The following CNTNAP3 variants were observed in gnomAD, a reference collection of about 807,000 sequenced individuals.
CNTNAP3 encodes contactin associated protein family member 3.
In CNTNAP3, 36 loss-of-function variants were observed where a neutral mutation model predicts 92.1. That is an observed-to-expected ratio of 0.39 (90% confidence interval 0.30 to 0.52). The LOEUF (loss-of-function observed/expected upper bound fraction) is 0.52. Ranked by LOEUF, CNTNAP3 falls within the 20% of genes least tolerant of loss-of-function variation. CNTNAP3 has a pLI of 0.76. For missense variants in CNTNAP3, 534 were observed against 1,069.6 expected, an observed-to-expected ratio of 0.50 and a Z score of 6.98; for synonymous variants, 232 against 422.3, an observed-to-expected ratio of 0.55 and a Z score of 5.53.
At chr9:39,092,337 G>C (rs1365954327) in intron 18 of CNTNAP3, among the ~76,000 whole-genome samples, 5 of 142,142 alleles carry the variant, frequency 3.5e-5, no homozygotes, top group Non-Finnish European at 7.7e-5. Flanking sequence ...TGGCAGGTCA[G>C]GTTTTTTATT....
In CNTNAP3 at chr9:39,102,467, T is replaced by A. The variant is rs1287386453; in HGVS notation, c.2755+30A>T. The A allele has an allele frequency of 8.1e-6, 12 of 1,486,098 alleles. No homozygotes were observed. The East Asian group carries it at 2.7e-4, about 34-fold the overall frequency. 92.1% of individuals were successfully genotyped at this position (1,486,098 alleles called of 1,614,324 possible). A position where few individuals can be genotyped will look rare whatever the true frequency, so the allele number is the denominator to read the frequency against. On this transcript the variant is annotated intron_variant, in intron 17 of 23. Transcript: ENST00000297668. ...TTTTGGTCCCTCTCTGGACTCACACTAAATTCAGTTATAAACCACCAGCAC... is the reference window on the plus strand; with the variant it reads ...TTTTGGTCCCTCTCTGGACTCACACAAAATTCAGTTATAAACCACCAGCAC...
intron 15 of CNTNAP3, among the ~76,000 whole-genome samples, chr9:39,105,298 G>A (rs776278380): frequency 1.3e-5 from 2 of 152,072 alleles, no homozygotes; most frequent in East Asian, 1.9e-4. Context: ...ATGGTGGTGG[G>A]TGCCTGTAGT....
chr9:39,129,886 C>A (rs1462218833), intron 13 of CNTNAP3, among the ~76,000 whole-genome samples: 1 of 152,032 alleles, frequency 6.6e-6, no homozygotes, highest in Non-Finnish European at 1.5e-5. Context: ...GGCAAATAAG[C>A]ATATAAAACA....
Position 39,149,887 on chromosome 9 carries a change from G to T in CNTNAP3, c.1568C>A (p.Ala523Glu), listed in dbSNP as rs200090833. 1.6e-4 allele frequency: 265 copies of T among 1,606,420 alleles called. No individual in the cohort carries two copies. Among genetic ancestry groups the T allele is most frequent in the Non-Finnish European group, 2.1e-4 (250 of 1,177,354 alleles). The change falls in exon 10 of 24, where the codon GCG becomes GAG. Residue 523 changes from alanine (A) to glutamate (E), a missense_variant. Coordinates refer to ENST00000297668, the MANE Select transcript of CNTNAP3 (RefSeq NM_033655.5). ...CTGCTGTACTAAGATGGGATCCACC[G>T]CTTTGTCACCAATGGTGATGAGCCT... ...CLRLITIGDKAVDPILVQQGA... is the reference protein window; with the variant it reads ...CLRLITIGDKEVDPILVQQGA...
intron 15 of CNTNAP3, chr9:39,106,422 C>T (rs1420380303): frequency 6.6e-6 from 1 of 152,160 alleles, no homozygotes; most frequent in Admixed American, 6.6e-5. Context: ...TTCCTAGTTG[C>T]TAGGACTACA....
intron 14 of CNTNAP3, among the ~76,000 whole-genome samples, chr9:39,117,032 G>A (rs564465161): frequency 5.3e-5 from 8 of 151,680 alleles, no homozygotes; most frequent in East Asian, 1.9e-4. Context: ...TTGCTCTGTC[G>A]CCCAGGCTGG....
intron 13 of CNTNAP3, among the ~76,000 whole-genome samples, chr9:39,121,869 A>G (rs1011277049): frequency 6.6e-6 from 1 of 152,142 alleles, no homozygotes; most frequent in African/African-American, 2.4e-5. Context: ...TTCTCTCCTT[A>G]ACAACATTCT....
At chr9:39,084,178 AGCAGATGCTCACCAAGTTTTTTTTTTTT>A (rs1826012172) in intron 21 of CNTNAP3, among the ~76,000 whole-genome samples, 2 of 150,290 alleles carry the variant, frequency 1.3e-5, no homozygotes, top group African/African-American at 4.9e-5. Flanking sequence ...AACTGTTCAT[AGCAGATGCTCACCAAGTTTTTTTTTTTT>A]TTTTTTTTTT....
intron 23 of CNTNAP3, among the ~76,000 whole-genome samples, chr9:39,077,950 G>C (rs916340104): frequency 6.6e-6 from 1 of 152,096 alleles, no homozygotes; most frequent in Non-Finnish European, 1.5e-5. Context: ...TCACGCCTGT[G>C]ATCTCAGCAC....
chr9:39,136,968 G>C (rs1297532567), intron 12 of CNTNAP3, among the ~76,000 whole-genome samples: 4 of 151,994 alleles, frequency 2.6e-5, no homozygotes, highest in Non-Finnish European at 5.9e-5. Flanking sequence ...AGAGTTTTGG[G>C]GGCATTTCTC....
chr9:39,159,277 C>T (rs1190512847), intron 9 of CNTNAP3: 1 of 148,440 alleles, frequency 6.7e-6, no homozygotes, highest in Non-Finnish European at 1.5e-5. Context: ...ATACACAATC[C>T]AAACAAAATA....
At chr9:39,133,171 A>G (rs1692830) in intron 12 of CNTNAP3, 36 bp from the exon 13 acceptor site, 579,118 of 1,547,958 alleles carry the variant, frequency 0.37, 113,171 homozygotes, top group African/African-American at 0.7. Context: ...GCATCACTGG[A>G]CGGCAGAGGC....
chr9:39,132,884 C>T (rs754072161), intron 13 of CNTNAP3, 48 bp downstream of exon 13: 295 of 1,502,844 alleles, frequency 2.0e-4, no homozygotes, highest in Non-Finnish European at 2.4e-4. Context: ...GCCCGAGGGC[C>T]GCGCCCCGGC....
chr9:39,081,448 T>G (rs1209417320), intron 21 of CNTNAP3, among the ~76,000 whole-genome samples: 6 of 150,868 alleles, frequency 4.0e-5, no homozygotes, highest in Non-Finnish European at 4.4e-5. Flanking sequence ...AATTCTCTAT[T>G]CTGTTCCATC....
In CNTNAP3 at chr9:39,072,701, A is replaced by G. The variant is rs1283576597; in HGVS notation, c.*1189T>C. The G allele has an allele frequency of 1.3e-5, 2 of 152,172 alleles. No individual in the cohort carries two copies. The highest frequency in any genetic ancestry group is 4.8e-5 in the African/African-American group (2 of 41,448). 9.4% of individuals were successfully genotyped at this position (152,172 alleles called of 1,614,324 possible). A position where few individuals can be genotyped will look rare whatever the true frequency, so the allele number is the denominator to read the frequency against. ...TTTACATTCCAAAAGTGATTAGATG[A>G]AAGGATAATACACAATGATATTTAT... On this transcript the variant is annotated 3_prime_UTR_variant, in exon 24 of 24. Transcript: ENST00000297668.
At chr9:39,116,894 T>C (rs1449002393) in intron 14 of CNTNAP3, among the ~76,000 whole-genome samples, 1 of 152,142 alleles carries the variant, frequency 6.6e-6, no homozygotes, top group East Asian at 1.9e-4. Flanking sequence ...AACAACTCCA[T>C]TTTTAGGAAT....
At chr9:39,083,229 T>C (rs560783154) in intron 21 of CNTNAP3, among the ~76,000 whole-genome samples, 2 of 152,154 alleles carry the variant, frequency 1.3e-5, no homozygotes, top group Non-Finnish European at 2.9e-5. Context: ...AATGTATACC[T>C]CCTAAGGTAT....
chr9:39,091,038 G>T (rs1373332997), intron 18 of CNTNAP3, among the ~76,000 whole-genome samples: 1 of 152,130 alleles, frequency 6.6e-6, no homozygotes, highest in East Asian at 1.9e-4. Flanking sequence ...TTTGTATTCT[G>T]CAATTTTGCT....
rs373277128 is a variant in CNTNAP3, at chr9:39,099,971, G to A, written c.2935C>T (p.Arg979Cys). 32 of 1,605,696 alleles carry A rather than the reference G, an allele frequency of 2.0e-5. No individual in the cohort carries two copies. The highest frequency in any genetic ancestry group is 2.2e-4 in the Middle Eastern group (1 of 4,446). ...GCACAGTCACAGGTGACCCCCCTGC[G>A]TTTCTCTCTGCATCTCCCTCCATTG... ...CRNGGRCREK[R>C]RGVTCDCAFS... The change falls in exon 18 of 24, where the codon CGC (arginine) becomes TGC (cysteine). Residue 979 changes from arginine to cysteine, a missense_variant. Physicochemically the swap from Arg to Cys is radical, Grantham distance 180. Transcript: ENST00000297668.
Sources: allele counts gnomAD v4.1 joint callset (sites outside exome capture counted in the v4.1 genomes callset), GRCh38; gene constraint gnomAD v4.1.1; transcripts MANE v1.5; gene names NCBI Gene and HGNC (gene_info 2026-07-23, HGNC 2026-07-21).